Variants in DNAH7 observed in about 807,000 individuals in gnomAD.
DNAH7 encodes the protein axonemal beta dynein heavy chain 7.
A neutral mutation model predicts 444.6 loss-of-function variants in DNAH7; 397 were observed. The observed-to-expected ratio is 0.89, with a 90% confidence interval of 0.82 to 0.97. DNAH7 has a LOEUF of 0.97. Ranked by LOEUF, DNAH7 falls within the 50% of genes least tolerant of loss-of-function variation. The pLI is 0.00. For synonymous variants in DNAH7, 1,636 were observed against 1,624.4 expected, an observed-to-expected ratio of 1.01 and a Z score of -0.17; for missense variants, 4,902 against 4,800.8, an observed-to-expected ratio of 1.02 and a Z score of -0.62.
chr2:195,799,295 C>T lies in DNAH7; in HGVS notation c.10353+1G>A. On this transcript the variant is annotated splice_donor_variant, in intron 55 of 64. Transcript: ENST00000312428. LOFTEE classifies it high-confidence loss of function. ...CGATAACTTCATCTATTGTAAGGTACCTGGTCATCAGCAAATTTTAGAAGG... is the reference window on the plus strand; with the variant it reads ...CGATAACTTCATCTATTGTAAGGTATCTGGTCATCAGCAAATTTTAGAAGG... 6.4e-7 allele frequency: 1 copy of T among 1,573,312 alleles called. No individual in the cohort carries two copies. The highest frequency in any genetic ancestry group is 8.6e-7 in the Non-Finnish European group (1 of 1,161,074).
chr2:195,816,773 T>C lies in DNAH7; in HGVS notation c.9616A>G (p.Ile3206Val), dbSNP rs1225779514. ...AATAGGATGGAAGAATGGATGGCAA[T>C]AGGACGATAGCCCATGCGGGTGGTG... ...IDTTRMGYRPIAIHSSILFFS... is the reference protein window; with the variant it reads ...IDTTRMGYRPVAIHSSILFFS... Residue 3206 changes from isoleucine to valine, a missense_variant, in exon 51 of 65, where the codon ATT becomes GTT. By Grantham distance (29) the Ile-to-Val change is conservative (BLOSUM62 3). Coordinates refer to ENST00000312428, the MANE Select transcript of DNAH7 (RefSeq NM_018897.3). The C allele has an allele frequency of 3.7e-6, 6 of 1,614,152 alleles. No homozygotes were observed. Among genetic ancestry groups the C allele is most frequent in the South Asian group, 1.1e-5 (1 of 91,084 alleles).
At position 195,808,513 on chromosome 2, in the gene DNAH7, T is replaced by C. The variant is rs574450905; in HGVS notation, c.10083+169A>G. 2.6e-5 allele frequency among the ~76,000 whole-genome samples: 4 copies of C among 152,292 alleles called. No individual in the cohort carries two copies. The East Asian group carries it at 7.7e-4, about 29-fold the overall frequency. ...ACATTTCAAGGAGTTTGAATGGAAG[T>C]TCAAACAGAACCACTGACTTAGAAG... On this transcript the variant is annotated intron_variant, in intron 53 of 64. Transcript: ENST00000312428.
At position 195,837,529 on chromosome 2, in the gene DNAH7, A is replaced by G. The variant is rs926328067; in HGVS notation, c.8946-3169T>C. Among the ~76,000 whole-genome samples, 35 of 152,226 alleles carry G rather than the reference A, an allele frequency of 2.3e-4. 1 individual carries two copies. The highest frequency in any genetic ancestry group is 9.2e-4 in the Admixed American group (14 of 15,282). Reference sequence around the variant, plus strand: ...TTTTCTAAGTTTCTTCTTTCTTTCTATTTTCTGGCTTAGTGGGGGAACCAT... The same window carrying G: ...TTTTCTAAGTTTCTTCTTTCTTTCTGTTTTCTGGCTTAGTGGGGGAACCAT... On this transcript the variant is annotated intron_variant, in intron 47 of 64. Transcript: ENST00000312428.
intron 24 of DNAH7, 42 bp from the exon 25 acceptor site, chr2:195,910,237 T>G: frequency 7.1e-7 from 1 of 1,403,918 alleles, no homozygotes. Context: ...AATAATGTGA[T>G]TTTTTTTCCA....
rs1322162280 is a variant in DNAH7 at position 196,048,298 on chromosome 2, T to C, written c.248A>G (p.His83Arg). 3.1e-6 allele frequency: 5 copies of C among 1,610,808 alleles called. No homozygotes were observed. The highest frequency in any genetic ancestry group is 2.2e-5 in the East Asian group (1 of 44,860). Residue 83 changes from histidine (H) to arginine (R), a missense_variant and splice_region_variant, in exon 4 of 65, where the codon CAT becomes CGT. By Grantham distance (29) the His-to-Arg change is conservative. Transcript: ENST00000312428. ...ATTTAGAATATTGAAGTTCTTACCA[T>C]GGGACTGTTCATTTTTAACACTAAA... ...EPFSVKNEQS[H>R]AEYMERFGKK...
Position 195,906,675 on chromosome 2 carries a change from A to G in DNAH7, c.4319T>C (p.Leu1440Pro). 3 of 1,612,906 alleles carry G rather than the reference A, an allele frequency of 1.9e-6. No homozygotes were observed. Among genetic ancestry groups the G allele is most frequent in the Non-Finnish European group, 1.7e-6 (2 of 1,179,342 alleles). Reference sequence around the variant, plus strand: ...CTTCCATACCTTCAGGTTATCTGGCAGTTCTGATCGCCCAGCATACCCAGG... The same window carrying G: ...CTTCCATACCTTCAGGTTATCTGGCGGTTCTGATCGCCCAGCATACCCAGG... ...MNPGYAGRSE[L>P]PDNLKALFRT... is the part of the protein sequence containing the mutation. Residue 1440 changes from leucine (L) to proline (P), a missense_variant, in exon 27 of 65, where the codon CTG becomes CCG. By Grantham distance (98) the Leu-to-Pro change is moderately conservative. Transcript: ENST00000312428.
intron 5 of DNAH7, among the ~76,000 whole-genome samples, chr2:196,039,216 A>C (rs1343920504): frequency 2.0e-5 from 3 of 152,228 alleles, no homozygotes; most frequent in Non-Finnish European, 4.4e-5. Flanking sequence ...GCAACTTTGA[A>C]AACAGTACAA....
At chr2:195,880,313 CTTCT>C (rs915639029) in intron 36 of DNAH7, among the ~76,000 whole-genome samples, 45 of 151,022 alleles carry the variant, frequency 3.0e-4, no homozygotes, top group Non-Finnish European at 5.2e-4. Flanking sequence ...TCATTGCAAT[CTTCT>C]TTCTTTCTTT....
At chr2:195,787,833 A>G (rs995123016) in intron 57 of DNAH7, among the ~76,000 whole-genome samples, 43 of 152,128 alleles carry the variant, frequency 2.8e-4, no homozygotes, top group African/African-American at 9.9e-4. Context: ...ACACTCCTCC[A>G]ACAGTGGGCC....
intron 19 of DNAH7, among the ~76,000 whole-genome samples, chr2:195,947,158 T>A (rs917690616): frequency 2.0e-5 from 3 of 148,238 alleles, no homozygotes; most frequent in South Asian, 4.2e-4. Flanking sequence ...TATATTATTT[T>A]TATATATATA....
intron 61 of DNAH7, among the ~76,000 whole-genome samples, chr2:195,763,576 A>G (rs372681391): frequency 2.0e-5 from 3 of 152,260 alleles, no homozygotes; most frequent in African/African-American, 7.2e-5. Context: ...TCAAAGGATC[A>G]TTAGTGGCTA....
intron 41 of DNAH7, 152 bp from the exon 42 acceptor site, chr2:195,862,098 G>A: frequency 6.2e-6 from 4 of 646,558 alleles, no homozygotes; most frequent in East Asian, 5.5e-5. Flanking sequence ...AAACTTTCCC[G>A]AGGACTTGCA....
intron 1 of DNAH7, among the ~76,000 whole-genome samples, chr2:196,062,046 G>A (rs769549480): frequency 2.0e-5 from 3 of 152,092 alleles, no homozygotes; most frequent in Non-Finnish European, 4.4e-5. Context: ...CTCTGTCAAT[G>A]ACTTTCATGG....
chr2:195,922,203 A>T lies in DNAH7; in HGVS notation c.3826-6T>A, dbSNP rs1306560609. 2 of 1,500,048 alleles carry T rather than the reference A, an allele frequency of 1.3e-6. No individual in the cohort carries two copies. Among genetic ancestry groups the T allele is most frequent in the African/African-American group, 2.8e-5 (2 of 72,626 alleles). 92.9% of individuals were successfully genotyped at this position (1,500,048 alleles called of 1,614,324 possible). A position where few individuals can be genotyped will look rare whatever the true frequency, so the allele number is the denominator to read the frequency against. On this transcript the variant is annotated splice_region_variant and splice_polypyrimidine_tract_variant and intron_variant, in intron 23 of 64. Coordinates refer to ENST00000312428, the MANE Select transcript of DNAH7 (RefSeq NM_018897.3). The stretch of plus-strand genomic sequence containing the variant: ...TTTGTTTCTAAATGATTTTCCTAGG[A>T]TAAATCAAATAAAATGAAGTTAAAC...
intron 12 of DNAH7, chr2:195,994,294 C>T (rs574391547): frequency 4.6e-6 from 2 of 437,958 alleles, no homozygotes; most frequent in East Asian, 1.1e-4. Context: ...TCCAAATCAT[C>T]AGCATCAAAG....
At chr2:195,832,747 A>G (rs555551331) in intron 48 of DNAH7, among the ~76,000 whole-genome samples, 2 of 152,194 alleles carry the variant, frequency 1.3e-5, no homozygotes, top group East Asian at 3.9e-4. Context: ...CAGCCTACTT[A>G]AAGTATTTAA....
At chr2:196,046,495 C>G (rs1697136249) in intron 5 of DNAH7, among the ~76,000 whole-genome samples, 1 of 152,132 alleles carries the variant, frequency 6.6e-6, no homozygotes, top group Non-Finnish European at 1.5e-5. Context: ...GGGTGTTGAT[C>G]ATACTGCTTG....
rs1304286852 is a variant in DNAH7 at position 195,873,549 on chromosome 2, A to C, written c.6413+19T>G. 7.0e-6 allele frequency: 9 copies of C among 1,289,986 alleles called. No homozygotes were observed. Among genetic ancestry groups the C allele is most frequent in the Non-Finnish European group, 9.2e-6 (9 of 977,610 alleles). 79.9% of individuals were successfully genotyped at this position (1,289,986 alleles called of 1,614,324 possible). A position where few individuals can be genotyped will look rare whatever the true frequency, so the allele number is the denominator to read the frequency against. Reference sequence around the variant, plus strand: ...TTTATACCTCCTAATTAAAAAAAAAACAAATTTTGATTACTTACCAGATTT... The same window carrying C: ...TTTATACCTCCTAATTAAAAAAAAACCAAATTTTGATTACTTACCAGATTT... On this transcript the variant is annotated intron_variant, in intron 39 of 64. Coordinates refer to ENST00000312428, the MANE Select transcript of DNAH7 (RefSeq NM_018897.3).
At chr2:195,744,161 A>C (rs1012270932) in intron 63 of DNAH7, among the ~76,000 whole-genome samples, 2 of 152,240 alleles carry the variant, frequency 1.3e-5, no homozygotes, top group African/African-American at 4.8e-5. Context: ...CTCCCACCCT[A>C]ATACTGCCCT....
Sources: allele counts gnomAD v4.1 joint callset (sites outside exome capture counted in the v4.1 genomes callset), GRCh38; gene constraint gnomAD v4.1.1; transcripts MANE v1.5; gene names NCBI Gene and HGNC (gene_info 2026-07-23, HGNC 2026-07-21).